Variants in RHOJ observed in about 807,000 individuals in gnomAD.
The protein encoded by RHOJ is ras homolog family member J.
A neutral mutation model predicts 23.4 loss-of-function variants in RHOJ; 11 were observed. That is an observed-to-expected ratio of 0.47 (90% CI 0.30 to 0.78). The LOEUF (loss-of-function observed/expected upper bound fraction) is 0.78. Ranked by LOEUF, RHOJ falls within the 30% of genes least tolerant of loss-of-function variation. The probability of loss-of-function intolerance (pLI) is 0.08; values close to 1 mark genes in which losing one functional copy is unlikely to be tolerated. For synonymous variants in RHOJ, 102 were observed against 102.7 expected (o/e 0.99, Z 0.04); for missense variants, 254 against 273.4 (o/e 0.93, Z 0.50).
chr14:63,265,721 G>T (rs1254863115), intron 1 of RHOJ, among the ~76,000 whole-genome samples: 1 of 152,176 alleles, frequency 6.6e-6, no homozygotes, highest in Non-Finnish European at 1.5e-5. Context: ...ATGCATTTTA[G>T]GGGGGGACAG....
intron 2 of RHOJ, among the ~76,000 whole-genome samples, chr14:63,271,861 G>A (rs992712162): frequency 3.9e-5 from 6 of 152,160 alleles, no homozygotes; most frequent in African/African-American, 1.4e-4. Context: ...GCCTCCCAAA[G>A]TGCTGGGATT....
At chr14:63,282,368 T>C (rs1881939016) in intron 3 of RHOJ, among the ~76,000 whole-genome samples, 1 of 151,942 alleles carries the variant, frequency 6.6e-6, no homozygotes, top group Non-Finnish European at 1.5e-5. Context: ...GACCCTAATA[T>C]ATTGGTCTTT....
At chr14:63,207,040 T>C (rs903576905) in intron 1 of RHOJ, among the ~76,000 whole-genome samples, 19 of 151,484 alleles carry the variant, frequency 1.3e-4, no homozygotes, top group Admixed American at 6.6e-4. Context: ...CTTTTCTTTT[T>C]TTTTTTTTTG....
At chr14:63,216,332 A>T (rs1308894878) in intron 1 of RHOJ, among the ~76,000 whole-genome samples, 8 of 152,238 alleles carry the variant, frequency 5.3e-5, no homozygotes. Flanking sequence ...GAGATTAATT[A>T]AGAGGAAAAA....
intron 4 of RHOJ, among the ~76,000 whole-genome samples, chr14:63,283,430 A>C (rs755801797): frequency 5.9e-5 from 9 of 152,238 alleles, no homozygotes; most frequent in Non-Finnish European, 8.8e-5. Flanking sequence ...TTTTTCATTC[A>C]GAAAGCAATT....
chr14:63,243,805 C>G (rs1015943651), intron 1 of RHOJ, among the ~76,000 whole-genome samples: 2 of 152,132 alleles, frequency 1.3e-5, no homozygotes, highest in Non-Finnish European at 2.9e-5. Context: ...ATGCGTAATA[C>G]AACAATAGCA....
intron 2 of RHOJ, among the ~76,000 whole-genome samples, chr14:63,269,524 G>T (rs10135991): frequency 0.27 from 41,769 of 151,910 alleles, 6,889 homozygotes; most frequent in African/African-American, 0.46. Flanking sequence ...TTCCACACAT[G>T]TTTTTTCAGG....
chr14:63,283,871 T>C (rs1434252415), intron 4 of RHOJ, among the ~76,000 whole-genome samples: 1 of 152,198 alleles, frequency 6.6e-6, no homozygotes, highest in Non-Finnish European at 1.5e-5. Flanking sequence ...TTAGAAAGTT[T>C]TTGCCAGACA....
chr14:63,245,368 G>A (rs571361603), intron 1 of RHOJ, among the ~76,000 whole-genome samples: 9 of 152,112 alleles, frequency 5.9e-5, no homozygotes, highest in Admixed American at 3.3e-4. Context: ...TCTCTTGGCC[G>A]GGTGCACTGG....
chr14:63,240,417 T>C lies in RHOJ; in HGVS notation c.179-28693T>C, dbSNP rs538548089. Among the ~76,000 whole-genome samples the C allele has an allele frequency of 6.2e-4, 94 of 152,358 alleles. 1 individual carries two copies. The South Asian group carries it at 0.019, about 31-fold the overall frequency. ...AAATCCCACATTTCTTTAGGAATTA[T>C]AGCCTCATTCCTGCAGAGGCTGCTG... On this transcript the variant is annotated intron_variant, in intron 1 of 4. Transcript: ENST00000316754.
chr14:63,262,462 A>T (rs751186309), intron 1 of RHOJ, among the ~76,000 whole-genome samples: 1 of 152,234 alleles, frequency 6.6e-6, no homozygotes, highest in African/African-American at 2.4e-5. Flanking sequence ...TTCATTTTAC[A>T]TACTTAACAG....
rs143655813 is a variant in RHOJ at position 63,222,719 on chromosome 14, A to C, written c.178+17672A>C. 0.011 allele frequency among the ~76,000 whole-genome samples: 1,693 copies of C among 152,028 alleles called. 68 individuals carry two copies. The East Asian group carries it at 0.14, about 13-fold the overall frequency. On this transcript the variant is annotated intron_variant, in intron 1 of 4. Transcript: ENST00000316754. ...TGTTTGAGTTCTTTGTAGATTCTGG[A>C]TATTAGCCCTTTGTCAGATGAGTAG...
intron 1 of RHOJ, among the ~76,000 whole-genome samples, chr14:63,210,704 T>A (rs1257048297): frequency 1.3e-5 from 2 of 152,236 alleles, no homozygotes. Flanking sequence ...TACCGATTAA[T>A]GTTTCACTTG....
chr14:63,252,108 T>A (rs879799040), intron 1 of RHOJ, among the ~76,000 whole-genome samples: 14 of 151,590 alleles, frequency 9.2e-5, no homozygotes, highest in Non-Finnish European at 1.8e-4. Flanking sequence ...ATAAATAGAG[T>A]CCAAAATGTG....
intron 1 of RHOJ, among the ~76,000 whole-genome samples, chr14:63,215,032 T>C (rs930263978): frequency 2.0e-5 from 3 of 152,214 alleles, no homozygotes; most frequent in Non-Finnish European, 4.4e-5. Flanking sequence ...TTGGAAGCTA[T>C]GATTTGTTGT....
intron 1 of RHOJ, among the ~76,000 whole-genome samples, chr14:63,222,075 T>C (rs921670387): frequency 3.3e-5 from 5 of 149,894 alleles, no homozygotes; most frequent in Non-Finnish European, 7.4e-5. Context: ...CATGCGGTGT[T>C]TGGTTTTTTT....
At chr14:63,219,603 G>A (rs1006715991) in intron 1 of RHOJ, among the ~76,000 whole-genome samples, 2 of 152,112 alleles carry the variant, frequency 1.3e-5, no homozygotes, top group Non-Finnish European at 2.9e-5. Flanking sequence ...GGATCACAAG[G>A]TCAGGAGATC....
intron 2 of RHOJ, among the ~76,000 whole-genome samples, chr14:63,280,394 C>T (rs1030817936): frequency 2.6e-5 from 4 of 152,116 alleles, no homozygotes; most frequent in Admixed American, 2.0e-4. Flanking sequence ...GGAAAGGAAA[C>T]GGGGAGGTTT....
chr14:63,281,249 T>G, intron 3 of RHOJ, 114 bp downstream of exon 3: 1 of 1,013,278 alleles, frequency 9.9e-7, no homozygotes. Flanking sequence ...CTCAGACATG[T>G]CAATCCTATG....
Sources: gnomAD v4.1 joint callset for allele counts (sites outside exome capture counted in the v4.1 genomes callset) on GRCh38, gnomAD v4.1.1 for gene constraint, MANE v1.5 for transcripts, NCBI Gene and HGNC (gene_info 2026-07-23, HGNC 2026-07-21) for gene names.